Variants in KMT2C observed in about 807,000 individuals in gnomAD.
KMT2C encodes the protein lysine methyltransferase 2C.
KMT2C carries 88 observed loss-of-function variants against 507.9 expected under a neutral mutation model. The ratio of observed to expected loss-of-function variants is 0.17; its 90% CI spans 0.15 to 0.21. The LOEUF is 0.21. KMT2C is among the 10% of genes least tolerant of loss of function. The probability of loss-of-function intolerance (pLI) is 1.00; values close to 1 mark genes in which losing one functional copy is unlikely to be tolerated. For missense variants in KMT2C, 4,954 were observed against 5,957.8 expected, an observed-to-expected ratio of 0.83 and a Z score of 5.55; for synonymous variants, 2,049 against 2,080.8, an observed-to-expected ratio of 0.98 and a Z score of 0.42.
intron 14 of KMT2C, among the ~76,000 whole-genome samples, chr7:152,246,436 AC>A (rs753257791): frequency 6.6e-6 from 1 of 151,584 alleles, no homozygotes; most frequent in Non-Finnish European, 1.5e-5. Context: ...CTGGAAATAC[AC>A]CCCCCTCCCC....
chr7:152,231,766 G>A (rs1386534471), intron 16 of KMT2C, among the ~76,000 whole-genome samples: 13 of 151,896 alleles, frequency 8.6e-5, no homozygotes, highest in Non-Finnish European at 1.6e-4. Context: ...GGGTGACAGA[G>A]CGAGACCCTG....
intron 14 of KMT2C, among the ~76,000 whole-genome samples, chr7:152,243,417 A>T (rs1243420663): frequency 6.6e-6 from 1 of 152,186 alleles, no homozygotes; most frequent in Non-Finnish European, 1.5e-5. Flanking sequence ...ATATAAAGTA[A>T]ACTTCTTATA....
intron 25 of KMT2C, among the ~76,000 whole-genome samples, chr7:152,204,709 T>C (rs1588179809): frequency 6.6e-6 from 1 of 152,140 alleles, no homozygotes; most frequent in East Asian, 1.9e-4. Context: ...ATATGATAAG[T>C]AGCTAAGGCA....
intron 1 of KMT2C, among the ~76,000 whole-genome samples, chr7:152,426,975 T>G (rs1249350203): frequency 1.3e-5 from 2 of 152,154 alleles, no homozygotes; most frequent in Non-Finnish European, 2.9e-5. Context: ...AATGCATAAA[T>G]GTATACTGAA....
At chr7:152,178,087 A>G (rs1419469416) in intron 37 of KMT2C, 77 bp from the exon 38 acceptor site, 2 of 1,314,250 alleles carry the variant, frequency 1.5e-6, no homozygotes, top group Non-Finnish European at 2.0e-6. Flanking sequence ...TGAAAAAAAG[A>G]AAAGTCTTCA....
At chr7:152,296,254 C>T (rs1244741224) in intron 6 of KMT2C, among the ~76,000 whole-genome samples, 4 of 150,480 alleles carry the variant, frequency 2.7e-5, no homozygotes, top group African/African-American at 9.8e-5. Flanking sequence ...CATGGCGAAA[C>T]CCCATCCCAT....
In KMT2C at chr7:152,255,108, CTTATATAT is replaced by C. The variant is rs1313501067; in HGVS notation, c.1300-2401_1300-2394del. 2.0e-4 allele frequency among the ~76,000 whole-genome samples: 12 copies of C among 60,678 alleles called. 1 individual carries two copies. Among genetic ancestry groups the C allele is most frequent in the Admixed American group, 3.7e-4 (2 of 5,442 alleles). The allele number at this position is 60,678 out of a possible 152,430, so 39.8% of individuals were successfully genotyped here. A position where few individuals can be genotyped will look rare whatever the true frequency, so the allele number is the denominator to read the frequency against. On this transcript the variant is annotated intron_variant, in intron 9 of 58. Coordinates refer to ENST00000262189, the MANE Select transcript of KMT2C (RefSeq NM_170606.3). ...AAATCAAGATGTCAATCAACTCTCA[CTTATATAT>C]ATATATATATATATATATATATATA... is the stretch of plus-strand genomic sequence containing the variant.
chr7:152,411,232 G>C (rs2097679971), intron 1 of KMT2C, among the ~76,000 whole-genome samples: 1 of 151,856 alleles, frequency 6.6e-6, no homozygotes, highest in East Asian at 1.9e-4. Context: ...TTTATCCTTA[G>C]GATATTTTGG....
At chr7:152,268,422 T>C (rs2095898137) in intron 7 of KMT2C, among the ~76,000 whole-genome samples, 2 of 152,226 alleles carry the variant, frequency 1.3e-5, no homozygotes, top group African/African-American at 4.8e-5. Context: ...TGTGAATCCT[T>C]GAAGGACAGG....
intron 14 of KMT2C, among the ~76,000 whole-genome samples, chr7:152,244,550 A>C (rs1211526299): frequency 6.6e-6 from 1 of 152,216 alleles, no homozygotes; most frequent in East Asian, 1.9e-4. Flanking sequence ...TAAATGCTGA[A>C]AAATGAAATA....
At chr7:152,261,488 AC>A (rs2095776423) in intron 9 of KMT2C, among the ~76,000 whole-genome samples, 1 of 152,210 alleles carries the variant, frequency 6.6e-6, no homozygotes, top group East Asian at 1.9e-4. Context: ...TTAAAAAGTC[AC>A]TACAAGTATC....
At chr7:152,267,363 G>A (rs1326709665) in intron 7 of KMT2C, among the ~76,000 whole-genome samples, 4 of 152,012 alleles carry the variant, frequency 2.6e-5, no homozygotes, top group Non-Finnish European at 5.9e-5. Context: ...TTAAAAACCC[G>A]AAACATCATC....
chr7:152,172,422 G>A (rs1004108097), intron 39 of KMT2C, among the ~76,000 whole-genome samples: 1 of 152,202 alleles, frequency 6.6e-6, no homozygotes, highest in African/African-American at 2.4e-5. Flanking sequence ...CTGGTCGGGT[G>A]CAGTGGCTCA....
chr7:152,297,090 A>G (rs2096521655), intron 6 of KMT2C, among the ~76,000 whole-genome samples: 1 of 151,446 alleles, frequency 6.6e-6, no homozygotes, highest in African/African-American at 2.4e-5. Context: ...AGAGAGAGAG[A>G]GAGAAAGAAA....
intron 31 of KMT2C, among the ~76,000 whole-genome samples, chr7:152,190,032 C>T (rs2093743855): frequency 6.6e-6 from 1 of 152,122 alleles, no homozygotes; most frequent in East Asian, 1.9e-4. Context: ...GAAGCGCAAA[C>T]CCTATTGTGA....
intron 3 of KMT2C, among the ~76,000 whole-genome samples, chr7:152,319,373 G>A (rs560830727): frequency 6.6e-6 from 1 of 152,224 alleles, no homozygotes; most frequent in Non-Finnish European, 1.5e-5. Context: ...TACAGCAATA[G>A]GAGCTGAGGG....
Position 152,163,373 on chromosome 7 carries a change from C to T in KMT2C, c.10204G>A (p.Glu3402Lys). Residue 3402 changes from glutamate (E) to lysine (K), a missense_variant, in exon 43 of 59, where the codon GAA becomes AAA. Physicochemically the swap from Glu to Lys is moderately conservative, Grantham distance 56. Around this residue, in one of 29 missense-constraint regions of KMT2C, gnomAD observed 801 missense variants for 751.2 expected, o/e 1.07. Transcript: ENST00000262189. ...SESFQERERK[E>K]RLREQQERQR... ...CTCTCTTGCTGTTCTCGTAAACGTT[C>T]CTTACGTTCCCGTTCTTGAAAACTT... 1 of 1,614,186 alleles carries T rather than the reference C, an allele frequency of 6.2e-7. No homozygotes were observed. The highest frequency in any genetic ancestry group is 1.3e-5 in the African/African-American group (1 of 75,026).
In KMT2C at chr7:152,254,182, G is replaced by A. The variant is rs1330546576; in HGVS notation, c.1300-1467C>T. On this transcript the variant is annotated intron_variant, in intron 9 of 58. Coordinates refer to ENST00000262189, the MANE Select transcript of KMT2C (RefSeq NM_170606.3). Reference sequence around the variant, plus strand: ...TGTGGTGTCATCTACTTGAGAGGCTGAGGCAGAAGGATCTCTTGAGCCTAG... The same window carrying A: ...TGTGGTGTCATCTACTTGAGAGGCTAAGGCAGAAGGATCTCTTGAGCCTAG... 2.0e-5 allele frequency among the ~76,000 whole-genome samples: 3 copies of A among 152,212 alleles called. No individual in the cohort carries two copies. In the East Asian group the frequency reaches 5.8e-4, roughly 29 times the overall value.
rs1187510017 is a variant in KMT2C at position 152,435,972 on chromosome 7, C to A, written c.-186G>T. On this transcript the variant is annotated 5_prime_UTR_variant, in exon 1 of 59. Transcript: ENST00000262189. ...GGCAACATGGAGCGAGCAGGACACG[C>A]ACTCACACACATCGGCGCGGGCGCG... is the stretch of plus-strand genomic sequence containing the variant. 15 of 396,004 alleles carry A rather than the reference C, an allele frequency of 3.8e-5. No individual in the cohort carries two copies. The highest frequency in any genetic ancestry group is 6.0e-5 in the Non-Finnish European group (14 of 233,598). The allele number at this position is 396,004 out of a possible 1,614,324, so 24.5% of individuals were successfully genotyped here. A position where few individuals can be genotyped will look rare whatever the true frequency, so the allele number is the denominator to read the frequency against.
Sources: gnomAD v4.1 joint callset for allele counts (sites outside exome capture counted in the v4.1 genomes callset) on GRCh38, gnomAD v4.1.1 for gene constraint, gnomAD v4.1.1 regional missense constraint, MANE v1.5 for transcripts, NCBI Gene and HGNC (gene_info 2026-07-23, HGNC 2026-07-21) for gene names.